The following NRG3 variants were observed in gnomAD, a reference collection of about 807,000 sequenced individuals.
The protein encoded by NRG3 is neuregulin 3.
NRG3 carries 31 observed loss-of-function variants against 66.9 expected under a neutral mutation model. The ratio of observed to expected loss-of-function variants is 0.46; its 90% confidence interval spans 0.35 to 0.63. The LOEUF is 0.63. NRG3 is among the 20% of genes least tolerant of loss of function. The pLI, the probability that NRG3 is intolerant of heterozygous loss-of-function variation, is 0.00. For missense variants in NRG3, 910 were observed against 878.9 expected (o/e 1.04, Z -0.45); for synonymous variants, 393 against 359.4 (o/e 1.09, Z -1.06).
chr10:82,506,013 C>T (rs34434628), intron 2 of NRG3, among the ~76,000 whole-genome samples: 20,768 of 152,210 alleles, frequency 0.14, 1,922 homozygotes, highest in Non-Finnish European at 0.21. Context: ...TTTGGGAGGC[C>T]GAGGCAGGCG....
chr10:82,897,047 C>T (rs902858036), intron 4 of NRG3, among the ~76,000 whole-genome samples: 1 of 152,150 alleles, frequency 6.6e-6, no homozygotes, highest in African/African-American at 2.4e-5. Flanking sequence ...AGACCACCAA[C>T]TTGGGAAACT....
intron 3 of NRG3, among the ~76,000 whole-genome samples, chr10:82,818,332 C>G (rs1565348032): frequency 6.6e-6 from 1 of 152,086 alleles, no homozygotes; most frequent in Non-Finnish European, 1.5e-5. Flanking sequence ...GTTTGGGAAA[C>G]AAGCCCTGCA....
At chr10:82,377,297 G>T (rs527465849) in intron 2 of NRG3, among the ~76,000 whole-genome samples, 1 of 152,306 alleles carries the variant, frequency 6.6e-6, no homozygotes, top group South Asian at 2.1e-4. Context: ...CAACAAGGAT[G>T]CCTCGCAGTA....
intron 3 of NRG3, among the ~76,000 whole-genome samples, chr10:82,796,134 T>G (rs2060791346): frequency 1.3e-5 from 2 of 152,172 alleles, no homozygotes; most frequent in Admixed American, 6.5e-5. Flanking sequence ...CTTCTCAAAC[T>G]GTGTTGTGGG....
intron 2 of NRG3, among the ~76,000 whole-genome samples, chr10:82,522,932 CCT>C (rs1228197397): frequency 2.6e-5 from 4 of 152,154 alleles, no homozygotes; most frequent in Non-Finnish European, 5.9e-5. Flanking sequence ...TGCCCCATCC[CCT>C]GTCATCCCCA....
chr10:82,856,082 A>C (rs1332167051), intron 3 of NRG3, among the ~76,000 whole-genome samples: 3 of 152,186 alleles, frequency 2.0e-5, no homozygotes, highest in Non-Finnish European at 4.4e-5. Flanking sequence ...ATATTGAATG[A>C]GTTGCCACCA....
chr10:82,703,587 C>A (rs1016758484), intron 2 of NRG3, among the ~76,000 whole-genome samples: 1 of 152,082 alleles, frequency 6.6e-6, no homozygotes, highest in Non-Finnish European at 1.5e-5. Context: ...AACAGGCACC[C>A]TTTTATGGGT....
chr10:82,084,617 G>T (rs765899051), intron 1 of NRG3, among the ~76,000 whole-genome samples: 14 of 151,984 alleles, frequency 9.2e-5, no homozygotes, highest in Non-Finnish European at 1.9e-4. Context: ...TCAAGAAGTA[G>T]AAGCATGTAT....
At chr10:81,884,487 G>A (rs1451441279) in intron 1 of NRG3, among the ~76,000 whole-genome samples, 1 of 151,996 alleles carries the variant, frequency 6.6e-6, no homozygotes, top group East Asian at 1.9e-4. Flanking sequence ...ACATCCTTGG[G>A]TTCTGCATCT....
At chr10:82,682,871 T>C (rs1448199268) in intron 2 of NRG3, among the ~76,000 whole-genome samples, 2 of 151,886 alleles carry the variant, frequency 1.3e-5, no homozygotes, top group Admixed American at 6.6e-5. Context: ...CAAATTATGC[T>C]GTGGGGAAAA....
chr10:82,893,668 C>A (rs191131052), intron 4 of NRG3, among the ~76,000 whole-genome samples: 2 of 151,778 alleles, frequency 1.3e-5, no homozygotes, highest in East Asian at 3.9e-4. Flanking sequence ...AGCCTGGCAA[C>A]AGAGCGAGAC....
At chr10:82,701,746 G>A (rs994256355) in intron 2 of NRG3, among the ~76,000 whole-genome samples, 5 of 152,114 alleles carry the variant, frequency 3.3e-5, no homozygotes, top group African/African-American at 1.2e-4. Context: ...TTTAAAACAT[G>A]TTATCTCAGA....
chr10:82,331,629 C>T (rs565999491), intron 1 of NRG3, among the ~76,000 whole-genome samples: 4 of 152,196 alleles, frequency 2.6e-5, no homozygotes, highest in African/African-American at 7.2e-5. Context: ...AACTTGGTCA[C>T]TCCCCACTGA....
intron 2 of NRG3, among the ~76,000 whole-genome samples, chr10:82,665,697 A>G (rs1472814682): frequency 6.6e-6 from 1 of 152,138 alleles, no homozygotes; most frequent in Non-Finnish European, 1.5e-5. Flanking sequence ...CCATCAATTC[A>G]GGAACTTCAG....
At chr10:82,623,558 C>G (rs1731473863) in intron 2 of NRG3, among the ~76,000 whole-genome samples, 2 of 152,050 alleles carry the variant, frequency 1.3e-5, no homozygotes, top group African/African-American at 4.8e-5. Context: ...TTACATGGCT[C>G]AACAAGATAG....
At chr10:82,923,005 T>C (rs1923564) in intron 4 of NRG3, among the ~76,000 whole-genome samples, 57,481 of 151,938 alleles carry the variant, frequency 0.38, 11,338 homozygotes, top group East Asian at 0.63. Flanking sequence ...GCCATTTGAC[T>C]CGGCAGGGAA....
At chr10:82,589,296 C>T (rs1024841230) in intron 2 of NRG3, among the ~76,000 whole-genome samples, 1 of 152,118 alleles carries the variant, frequency 6.6e-6, no homozygotes, top group Non-Finnish European at 1.5e-5. Context: ...AAAGCAGGCA[C>T]CTGGGAAAAA....
chr10:82,071,274 G>C (rs2064791663), intron 1 of NRG3, among the ~76,000 whole-genome samples: 1 of 152,154 alleles, frequency 6.6e-6, no homozygotes, highest in African/African-American at 2.4e-5. Flanking sequence ...AATGAGTAAA[G>C]CATGTTTTGC....
At chr10:82,454,325 A>G (rs2091171440) in intron 2 of NRG3, among the ~76,000 whole-genome samples, 2 of 152,206 alleles carry the variant, frequency 1.3e-5, no homozygotes, top group African/African-American at 2.4e-5. Context: ...TGTTTTTCTA[A>G]GAAGTTTGAA....
Sources: gnomAD v4.1 joint callset for allele counts (sites outside exome capture counted in the v4.1 genomes callset) on GRCh38, gnomAD v4.1.1 for gene constraint, MANE v1.5 for transcripts, NCBI Gene and HGNC (gene_info 2026-07-23, HGNC 2026-07-21) for gene names.